NLRC4: variants seen among roughly 807,000 people sequenced by gnomAD.
The protein encoded by NLRC4 is NLR family CARD domain containing 4.
Under a neutral mutation model 79.9 loss-of-function variants are expected in NLRC4, and 63 were observed. That is an observed-to-expected ratio of 0.79 (90% CI 0.64 to 0.97). NLRC4 has a LOEUF of 0.97. Ranked by LOEUF, NLRC4 falls within the 50% of genes least tolerant of loss-of-function variation. NLRC4 has a pLI of 0.00. For missense variants in NLRC4, 1,074 were observed against 1,215.2 expected (o/e 0.88, Z 1.73); for synonymous variants, 461 against 456.5 (o/e 1.01, Z -0.12).
Position 32,264,557 on chromosome 2 carries a change from C to T in NLRC4, c.-119+181G>A, listed in dbSNP as rs61202828. On this transcript the variant is annotated intron_variant, in intron 1 of 8. Transcript: ENST00000402280. ...CCCCTTGAACCTGATGAAGCCCCAG[C>T]AGACCCGATTAACCACCCCTAAAGG... Among the ~76,000 whole-genome samples the T allele has an allele frequency of 3.8e-3, 576 of 151,972 alleles. 4 individuals carry two copies. The highest frequency in any genetic ancestry group is 0.013 in the African/African-American group (526 of 41,416).
chr2:32,234,527 G>A (rs1686628025), intron 8 of NLRC4, among the ~76,000 whole-genome samples: 1 of 152,234 alleles, frequency 6.6e-6, no homozygotes, highest in Non-Finnish European at 1.5e-5. Flanking sequence ...TAGCTTCCAA[G>A]TTGAACCTGA....
At chr2:32,258,529 C>T (rs776717782) in intron 1 of NLRC4, among the ~76,000 whole-genome samples, 55 of 152,244 alleles carry the variant, frequency 3.6e-4, no homozygotes, top group Middle Eastern at 3.4e-3. Flanking sequence ...TTCCCCCCTT[C>T]CCTATCAATA....
In NLRC4 at chr2:32,251,096, C is replaced by T. The variant is rs755842113; in HGVS notation, c.768G>A (p.Gln256=). The change falls in exon 4 of 9, where the codon CAG becomes CAA. Residue 256 remains glutamine, a synonymous_variant. Transcript: ENST00000402280. ...TCAGGGCTTCGATTTCTGGGCAGTT[C>T]TGGGGCTTGAATTCATTGTAGCCAT... is the stretch of plus-strand genomic sequence containing the variant. ...LLDGYNEFKP[Q]NCPEIEALIK... The T allele has an allele frequency of 2.5e-6, 4 of 1,614,150 alleles. No homozygotes were observed. The Admixed American group carries it at 6.7e-5, about 27-fold the overall frequency.
intron 5 of NLRC4, among the ~76,000 whole-genome samples, chr2:32,238,725 A>G (rs540713366): frequency 8.0e-4 from 121 of 152,136 alleles, no homozygotes; most frequent in Non-Finnish European, 1.5e-3. Flanking sequence ...TTCTAGTGCA[A>G]CTGTCTACAG....
chr2:32,259,689 C>T (rs1002114418), intron 1 of NLRC4, among the ~76,000 whole-genome samples: 1 of 152,158 alleles, frequency 6.6e-6, no homozygotes, highest in African/African-American at 2.4e-5. Flanking sequence ...ACATTACCCT[C>T]TCCTTAGTAT....
At chr2:32,233,416 T>C (rs2148932725) in intron 8 of NLRC4, among the ~76,000 whole-genome samples, 1 of 146,826 alleles carries the variant, frequency 6.8e-6, no homozygotes, top group Non-Finnish European at 1.5e-5. Context: ...GGTTTCAAAC[T>C]TCTGGGCTCA....
chr2:32,233,347 ATATTT>A (rs1278483088), intron 8 of NLRC4, among the ~76,000 whole-genome samples: 612 of 45,518 alleles, frequency 0.013, 1 homozygote, highest in South Asian at 0.022. Flanking sequence ...ATATATATAT[ATATTT>A]TTTTTTTTTT....
Position 32,250,799 on chromosome 2 carries a change from G to A in NLRC4, c.1065C>T (p.His355=), listed in dbSNP as rs887883625. The change falls in exon 4 of 9, where the codon CAC becomes CAT. Residue 355 remains histidine, a synonymous_variant. Coordinates refer to ENST00000402280, the MANE Select transcript of NLRC4 (RefSeq NM_001199138.2). The surrounding 1 kb of genome is among the most constrained non-coding windows in gnomAD (Gnocchi z 4.9). ...GGAACAGCGTTGTTTGTGTGTGAGA[G>A]TGGAACTCACTTTCACCCATCTGGA... ...CAIQMGESEF[H]SHTQTTLFHT... 3.1e-6 allele frequency: 5 copies of A among 1,614,080 alleles called. No individual in the cohort carries two copies. The highest frequency in any genetic ancestry group is 4.2e-6 in the Non-Finnish European group (5 of 1,180,016).
chr2:32,257,042 C>A (rs879774773), intron 1 of NLRC4, 149 bp from the exon 2 acceptor site: 2 of 445,612 alleles, frequency 4.5e-6, no homozygotes, highest in South Asian at 4.1e-5. Context: ...CATGGCCAGG[C>A]CCTAAAGAGA....
intron 8 of NLRC4, among the ~76,000 whole-genome samples, chr2:32,228,409 C>T (rs147238725): frequency 7.5e-4 from 114 of 152,210 alleles, no homozygotes; most frequent in Middle Eastern, 6.8e-3. Context: ...AAAAATTCAC[C>T]GCCTCCCTTA....
rs1185592770 is a variant in NLRC4 at position 32,250,775 on chromosome 2, G to A, written c.1089C>T (p.Phe363=). 1 of 1,614,170 alleles carries A rather than the reference G, an allele frequency of 6.2e-7. No individual in the cohort carries two copies. Among genetic ancestry groups the A allele is most frequent in the African/African-American group, 1.3e-5 (1 of 75,060 alleles). Residue 363 remains phenylalanine (F), a synonymous_variant, in exon 4 of 9, where the codon TTC becomes TTT. Transcript: ENST00000402280. The surrounding 1 kb of genome is among the most constrained non-coding windows in gnomAD (Gnocchi z 4.9). ...GTATCAACAGATCATAGAAGGTATG[G>A]AACAGCGTTGTTTGTGTGTGAGAGT... ...EFHSHTQTTL[F]HTFYDLLIQK...
intron 2 of NLRC4, among the ~76,000 whole-genome samples, chr2:32,252,993 G>A (rs1013378108): frequency 6.6e-6 from 1 of 151,918 alleles, no homozygotes; most frequent in African/African-American, 2.4e-5. Flanking sequence ...ACTCCGGCCT[G>A]GGCGAAAGAG....
At position 32,224,621 on chromosome 2, in the gene NLRC4, T is replaced by C. The variant is rs775671534; in HGVS notation, c.2927A>G (p.Glu976Gly). The C allele has an allele frequency of 1.9e-6, 3 of 1,613,970 alleles. No individual in the cohort carries two copies. The highest frequency in any genetic ancestry group is 2.2e-5 in the South Asian group (2 of 91,070). ...GACTAATGCTGGATCAGGTAGAAATTCTTTAGTACTAAAGTCAAAAAACAC... is the reference window on the plus strand; with the variant it reads ...GACTAATGCTGGATCAGGTAGAAATCCTTTAGTACTAAAGTCAAAAAACAC... ...QLVFFDFSTK[E>G]FLPDPALVRK... The change falls in exon 9 of 9, where the codon GAA (glutamate) becomes GGA (glycine). Residue 976 changes from glutamate (E) to glycine (G), a missense_variant. Physicochemically the swap from Glu to Gly is moderately conservative, Grantham distance 98. Coordinates refer to ENST00000402280, the MANE Select transcript of NLRC4 (RefSeq NM_001199138.2).
intron 8 of NLRC4, among the ~76,000 whole-genome samples, chr2:32,227,086 T>C (rs1686420848): frequency 6.6e-6 from 1 of 151,918 alleles, no homozygotes; most frequent in African/African-American, 2.4e-5. Context: ...GCTTTTCCCC[T>C]CTTCTACTAG....
chr2:32,233,185 G>GGAGGGA (rs1686585598), intron 8 of NLRC4, among the ~76,000 whole-genome samples: 1 of 88,086 alleles, frequency 1.1e-5, no homozygotes. Context: ...AGGAAGGAAG[G>GGAGGGA]AAGGAAGGAA....
intron 8 of NLRC4, among the ~76,000 whole-genome samples, chr2:32,227,131 G>A (rs2148929277): frequency 6.6e-6 from 1 of 151,468 alleles, no homozygotes. Context: ...CCTAGCTATG[G>A]CCATAAAGTC....
intron 8 of NLRC4, among the ~76,000 whole-genome samples, chr2:32,234,275 G>A (rs560042635): frequency 1.6e-4 from 25 of 151,972 alleles, no homozygotes; most frequent in African/African-American, 4.8e-4. Context: ...CCAGCTCCTC[G>A]GGAGGCTGAG....
intron 1 of NLRC4, among the ~76,000 whole-genome samples, chr2:32,261,914 C>G (rs543923744): frequency 1.3e-5 from 2 of 151,570 alleles, no homozygotes; most frequent in South Asian, 2.1e-4. Context: ...AACCCCGTCT[C>G]TACTAAAAAT....
chr2:32,253,846 G>A (rs915010713), intron 2 of NLRC4, among the ~76,000 whole-genome samples: 2 of 151,306 alleles, frequency 1.3e-5, no homozygotes, highest in African/African-American at 4.9e-5. Context: ...TGCCTGTAGT[G>A]GCAGCTACTC....
Sources: gnomAD v4.1 joint callset for allele counts (sites outside exome capture counted in the v4.1 genomes callset) on GRCh38, gnomAD v4.1.1 for gene constraint, Gnocchi (gnomAD v3.1) non-coding constraint, MANE v1.5 for transcripts, NCBI Gene and HGNC (gene_info 2026-07-23, HGNC 2026-07-21) for gene names.